Variants in ASB10 observed in about 807,000 individuals in gnomAD.
ASB10 encodes the protein ankyrin repeat and SOCS box protein 10.
A neutral mutation model predicts 35.4 loss-of-function variants in ASB10; 44 were observed. That is an observed-to-expected ratio of 1.24 (90% CI 0.98 to 1.60). The LOEUF is 1.60. Ranked by LOEUF, ASB10 falls within the 40% of genes most tolerant of loss-of-function variation. The pLI is 0.00. For synonymous variants in ASB10, 294 were observed against 280.4 expected (o/e 1.05, Z -0.49); for missense variants, 647 against 634.3 (o/e 1.02, Z -0.22).
At position 151,186,444 on chromosome 7, in the gene ASB10, C is replaced by A; in HGVS notation, c.532G>T (p.Asp178Tyr). 6.3e-7 allele frequency: 1 copy of A among 1,590,498 alleles called. No homozygotes were observed. The highest frequency in any genetic ancestry group is 1.1e-5 in the South Asian group (1 of 87,490). ...TGCAGGGGGCGTTTCCCATCCTGGTCAGCGATGTTGGGGTCGGCTCCTGCC... is the reference window on the plus strand; with the variant it reads ...TGCAGGGGGCGTTTCCCATCCTGGTAAGCGATGTTGGGGTCGGCTCCTGCC... ...LVAGADPNIA[D>Y]QDGKRPLHLC... Residue 178 changes from aspartate to tyrosine, a missense_variant, in exon 2 of 6, where the codon GAC becomes TAC. Coordinates refer to ENST00000420175, the MANE Select transcript of ASB10 (RefSeq NM_001142459.2).
In ASB10 at chr7:151,186,577, C is replaced by A; in HGVS notation, c.399G>T (p.Arg133=). The A allele has an allele frequency of 6.2e-7, 1 of 1,608,066 alleles. No individual in the cohort carries two copies. The highest frequency in any genetic ancestry group is 8.5e-7 in the Non-Finnish European group (1 of 1,177,984). ...GCCTTGCTCGCCGCCTCAGCAGCAG[C>A]CGCAGGACTTCCGTGTGGCCACGGC... ...AASRGHTEVL[R]LLLRRRARPD... Residue 133 remains arginine, a synonymous_variant, in exon 2 of 6, where the codon CGG becomes CGT. Coordinates refer to ENST00000420175, the MANE Select transcript of ASB10 (RefSeq NM_001142459.2).
intron 3 of ASB10, among the ~76,000 whole-genome samples, chr7:151,179,276 G>A (rs1047554024): frequency 2.2e-4 from 33 of 152,194 alleles, no homozygotes; most frequent in African/African-American, 7.5e-4. Flanking sequence ...GCGACTTGCC[G>A]AAGGCCACAC....
intron 4 of ASB10, 113 bp from the exon 5 acceptor site, chr7:151,176,410 G>T: frequency 6.8e-7 from 1 of 1,462,416 alleles, no homozygotes; most frequent in Non-Finnish European, 9.1e-7. Flanking sequence ...GAACCTATTA[G>T]AAACAATGAA....
chr7:151,176,221 G>T lies in ASB10; in HGVS notation c.1295C>A (p.Ala432Glu). 6.2e-7 allele frequency: 1 copy of T among 1,605,210 alleles called. No individual in the cohort carries two copies. The highest frequency in any genetic ancestry group is 8.5e-7 in the Non-Finnish European group (1 of 1,176,666). Residue 432 changes from alanine to glutamate, a missense_variant, in exon 5 of 6, where the codon GCG becomes GAG. Ala to Glu is a moderately radical substitution (Grantham distance 107). Coordinates refer to ENST00000420175, the MANE Select transcript of ASB10 (RefSeq NM_001142459.2). ...PRSLQHLSRC[A>E]LRSHLEGSLP... is the part of the protein sequence containing the mutation. ...GCTGCCCTCCAGGTGGGAGCGGAGC[G>T]CACAGCGGCTCAAATGCTGCAGCGA...
chr7:151,176,012 C>T, intron 5 of ASB10, 46 bp from the exon 6 acceptor site: 2 of 1,373,366 alleles, frequency 1.5e-6, no homozygotes, highest in Non-Finnish European at 2.0e-6. Flanking sequence ...GGTTCGGGGA[C>T]GGGCCGGTTC....
chr7:151,183,787 T>TGTTG (rs997187465), intron 2 of ASB10, among the ~76,000 whole-genome samples: 5 of 152,100 alleles, frequency 3.3e-5, no homozygotes, highest in African/African-American at 9.7e-5. Context: ...AGTTTCACCA[T>TGTTG]GTTGGCTAGG....
Position 151,186,845 on chromosome 7 carries a change from T to G in ASB10, c.286A>C (p.Arg96=), listed in dbSNP as rs1801606064. ...GCACGGATGTTGAAGCGGAAATCCC[T>G]CCATCGCTCTGGGTCGCTGGTATCA... is the stretch of plus-strand genomic sequence containing the variant. ...VFDTSDPERW[R]DFRFNIRALR... Residue 96 remains arginine (R), a synonymous_variant, in exon 1 of 6, where the codon AGG becomes CGG. Transcript: ENST00000420175. The G allele has an allele frequency of 6.2e-7, 1 of 1,607,944 alleles. No homozygotes were observed.
intron 2 of ASB10, among the ~76,000 whole-genome samples, chr7:151,182,373 T>C (rs978667809): frequency 6.9e-6 from 1 of 145,082 alleles, no homozygotes; most frequent in African/African-American, 2.8e-5. Flanking sequence ...AGGTCAGGAG[T>C]TTGAGACCAG....
chr7:151,178,324 G>T (rs992822705), intron 3 of ASB10, among the ~76,000 whole-genome samples: 1 of 152,234 alleles, frequency 6.6e-6, no homozygotes, highest in African/African-American at 2.4e-5. Context: ...GGCCAAGAAA[G>T]GTCTCTGAGG....
At position 151,180,719 on chromosome 7, in the gene ASB10, T is replaced by C. The variant is rs62489648; in HGVS notation, c.1104+220A>G. On this transcript the variant is annotated intron_variant, in intron 3 of 5. Transcript: ENST00000420175. ...AACACATGTATACACACGCACACCA[T>C]GTATACACATGCACACACACATGCA... 0.14 allele frequency among the ~76,000 whole-genome samples: 21,675 copies of C among 152,224 alleles called. 2,219 individuals carry two copies. The highest frequency in any genetic ancestry group is 0.33 in the East Asian group (1,711 of 5,172).
rs1801375765 is a variant in ASB10 at position 151,175,875 on chromosome 7, T to G, written c.*92A>C. ...CTGCCTGCGGAGCTGGGCCTCCTGC[T>G]GCCAGGGCTACCTGGCCTGAGTTAG... On this transcript the variant is annotated 3_prime_UTR_variant, in exon 6 of 6. Transcript: ENST00000420175. The G allele has an allele frequency of 3.8e-6, 2 of 522,850 alleles. No individual in the cohort carries two copies. The highest frequency in any genetic ancestry group is 3.3e-6 in the Non-Finnish European group (1 of 302,944). The allele number at this position is 522,850 out of a possible 1,614,324, so 32.4% of individuals were successfully genotyped here. A position where few individuals can be genotyped will look rare whatever the true frequency, so the allele number is the denominator to read the frequency against.
At chr7:151,178,343 C>T (rs1259201125) in intron 3 of ASB10, among the ~76,000 whole-genome samples, 1 of 152,232 alleles carries the variant, frequency 6.6e-6, no homozygotes, top group Non-Finnish European at 1.5e-5. Flanking sequence ...GGTGGTGGTC[C>T]AGTGCAGCAA....
At position 151,176,210 on chromosome 7, in the gene ASB10, G is replaced by T. The variant is rs764929940; in HGVS notation, c.1306C>A (p.His436Asn). 34 of 1,609,610 alleles carry T rather than the reference G, an allele frequency of 2.1e-5. No individual in the cohort carries two copies. The Admixed American group carries it at 5.2e-4, about 25-fold the overall frequency. The change falls in exon 5 of 6, where the codon CAC becomes AAC. Residue 436 changes from histidine to asparagine, a missense_variant. By Grantham distance (68) the His-to-Asn change is moderately conservative. Transcript: ENST00000420175. ...QHLSRCALRS[H>N]LEGSLPQALP... Reference sequence around the variant, plus strand: ...GCTTGGGGCAGGCTGCCCTCCAGGTGGGAGCGGAGCGCACAGCGGCTCAAA... The same window carrying T: ...GCTTGGGGCAGGCTGCCCTCCAGGTTGGAGCGGAGCGCACAGCGGCTCAAA...
chr7:151,177,409 G>C lies in ASB10; in HGVS notation c.1105-733C>G, dbSNP rs562911936. On this transcript the variant is annotated intron_variant, in intron 3 of 5. Transcript: ENST00000420175. The stretch of plus-strand genomic sequence containing the variant: ...TTGTGGTTCCCACAGTCCAGGCCTG[G>C]AAGCGTGACCCCTTGCCCTTAACCA... Among the ~76,000 whole-genome samples, 57 of 152,360 alleles carry C rather than the reference G, an allele frequency of 3.7e-4. 1 individual carries two copies. The South Asian group carries it at 5.8e-3, about 16-fold the overall frequency.
intron 2 of ASB10, 78 bp downstream of exon 2, chr7:151,186,314 T>A: frequency 6.8e-7 from 1 of 1,473,234 alleles, no homozygotes; most frequent in Non-Finnish European, 9.1e-7. Context: ...TCCCTGACAT[T>A]TTCCCCCATC....
intron 2 of ASB10, among the ~76,000 whole-genome samples, chr7:151,182,438 TGTA>T (rs1445031258): frequency 6.6e-6 from 1 of 151,954 alleles, no homozygotes; most frequent in East Asian, 1.9e-4. Context: ...ATTAGCCAGG[TGTA>T]GTGGTGGGCC....
intron 3 of ASB10, 55 bp from the exon 4 acceptor site, chr7:151,176,731 A>T: frequency 1.6e-6 from 2 of 1,261,954 alleles, no homozygotes; most frequent in South Asian, 1.3e-5. Context: ...GTGACCAGAC[A>T]GCTCCAGAAT....
At chr7:151,178,392 C>T (rs758372686) in intron 3 of ASB10, among the ~76,000 whole-genome samples, 2 of 152,324 alleles carry the variant, frequency 1.3e-5, no homozygotes, top group African/African-American at 4.8e-5. Flanking sequence ...GTGGACAGAC[C>T]GTCCACGTGG....
At chr7:151,177,345 G>T (rs1198149927) in intron 3 of ASB10, among the ~76,000 whole-genome samples, 5 of 152,236 alleles carry the variant, frequency 3.3e-5, no homozygotes, top group Admixed American at 3.3e-4. Context: ...TACAGCCAAG[G>T]GAAACTGAGG....
Sources: allele counts gnomAD v4.1 joint callset (sites outside exome capture counted in the v4.1 genomes callset), GRCh38; gene constraint gnomAD v4.1.1; transcripts MANE v1.5; gene names NCBI Gene and HGNC (gene_info 2026-07-23, HGNC 2026-07-21).